Variants in KANK1 observed in about 807,000 individuals in gnomAD.
KANK1 encodes KN motif and ankyrin repeat domains 1, also known as KN motif and ankyrin repeat domain-containing protein 1.
Under a neutral mutation model 106.2 loss-of-function variants are expected in KANK1, and 109 were observed. The observed-to-expected ratio is 1.03, with a 90% confidence interval of 0.88 to 1.20. The LOEUF is 1.20. Among genes scored for constraint, KANK1 ranks in the 50% most tolerant of loss-of-function variants. The pLI, the probability that KANK1 is intolerant of heterozygous loss-of-function variation, is 0.00. For missense variants in KANK1, 2,399 were observed against 1,710.7 expected (o/e 1.40, Z -7.10); for synonymous variants, 873 against 652.2 (o/e 1.34, Z -5.16).
In KANK1 at chr9:550,534, C is replaced by G. The variant is rs182903362; in HGVS notation, c.-84+45780C>G. 1.5e-4 allele frequency among the ~76,000 whole-genome samples: 23 copies of G among 152,276 alleles called. No individual in the cohort carries two copies. The East Asian group carries it at 4.1e-3, about 27-fold the overall frequency. On this transcript the variant is annotated intron_variant, in intron 1 of 11. Transcript: ENST00000382297. ...CTGAGGTGGGAGGATTGGTTGAGGT[C>G]AGGAGTTTGAGGCCGCAATGAGTTA...
rs1326671630 is a variant in KANK1 at position 712,628 on chromosome 9, A to C, written c.1862A>C (p.Asn621Thr). The C allele has an allele frequency of 6.2e-7, 1 of 1,614,202 alleles. No individual in the cohort carries two copies. Residue 621 changes from asparagine (N) to threonine (T), a missense_variant, in exon 3 of 12, where the codon AAT (asparagine) becomes ACT (threonine). Asn to Thr is a moderately conservative substitution (Grantham distance 65, BLOSUM62 0). Transcript: ENST00000382297. ...CTCACACTCCTCAAGACAAACTTGA[A>C]TCTCAAAGAAGTGCGGTCTATCGGT... ...NDLTLLKTNL[N>T]LKEVRSIGCG...
chr9:620,050 T>C (rs540822072), intron 1 of KANK1, among the ~76,000 whole-genome samples: 1 of 151,918 alleles, frequency 6.6e-6, no homozygotes, highest in South Asian at 2.1e-4. Context: ...GGCAGGAGAA[T>C]CGCTTGAACC....
At chr9:545,785 G>A (rs553541601) in intron 1 of KANK1, among the ~76,000 whole-genome samples, 78 of 133,088 alleles carry the variant, frequency 5.9e-4, no homozygotes, top group Admixed American at 5.1e-4. Context: ...CTGCTCTGTC[G>A]CCCAGGATGG....
At chr9:686,892 G>C (rs1818708087) in intron 2 of KANK1, 8 of 985,310 alleles carry the variant, frequency 8.1e-6, no homozygotes, top group Non-Finnish European at 9.6e-6. Flanking sequence ...TGTAAATGAA[G>C]AATCCTGAGA....
chr9:734,705 TTTC>T (rs754152188), intron 6 of KANK1, 40 bp from the exon 7 acceptor site: 3 of 1,392,794 alleles, frequency 2.2e-6, no homozygotes, highest in Admixed American at 3.5e-5. Flanking sequence ...TAAAAATGAT[TTTC>T]TTCTTGTGAC....
At chr9:677,105 C>A in intron 2 of KANK1, 96 bp downstream of exon 2, 1 of 1,127,676 alleles carries the variant, frequency 8.9e-7, no homozygotes, top group African/African-American at 1.6e-5. Context: ...TAGCAAGTTG[C>A]CTAGATAACT....
At chr9:628,614 A>G (rs76587873) in intron 1 of KANK1, among the ~76,000 whole-genome samples, 2,202 of 152,234 alleles carry the variant, frequency 0.014, 31 homozygotes, top group Middle Eastern at 0.085. Flanking sequence ...TCAGAATGCA[A>G]ATGAGAGTAA....
chr9:570,962 A>ATAT (rs376322549), intron 1 of KANK1, among the ~76,000 whole-genome samples: 1 of 152,166 alleles, frequency 6.6e-6, no homozygotes, highest in Non-Finnish European at 1.5e-5. Context: ...TTCTTACTGT[A>ATAT]TATTATTAGA....
intron 2 of KANK1, among the ~76,000 whole-genome samples, chr9:699,065 C>G (rs10975882): frequency 0.35 from 53,384 of 152,034 alleles, 10,695 homozygotes; most frequent in South Asian, 0.47. Context: ...GCTCTTTCCT[C>G]TGCCTAGAAT....
Position 713,044 on chromosome 9 carries a change from G to C in KANK1, c.2278G>C (p.Gly760Arg). The C allele has an allele frequency of 6.2e-7, 1 of 1,614,210 alleles. No individual in the cohort carries two copies. The highest frequency in any genetic ancestry group is 1.6e-4 in the Middle Eastern group (1 of 6,062). The stretch of plus-strand genomic sequence containing the variant: ...ATCAGCTGTGAAGACCAAAGAGTCA[G>C]GTGTGGGGCAGATAAATATTAACGA... Reference protein sequence around the residue: ...RPSAVKTKESGVGQININDNY... With the variant: ...RPSAVKTKESRVGQININDNY... Residue 760 changes from glycine (G) to arginine (R), a missense_variant, in exon 3 of 12, where the codon GGT (glycine) becomes CGT (arginine). Gly to Arg is a moderately radical substitution (Grantham distance 125). Transcript: ENST00000382297.
intron 5 of KANK1, 31 bp from the exon 6 acceptor site, chr9:732,347 T>A: frequency 1.3e-6 from 2 of 1,596,912 alleles, no homozygotes; most frequent in South Asian, 2.2e-5. Flanking sequence ...GAGCACACCT[T>A]GCATCTCCTG....
chr9:556,991 T>G (rs2134245665), intron 1 of KANK1, among the ~76,000 whole-genome samples: 1 of 152,220 alleles, frequency 6.6e-6, no homozygotes, highest in South Asian at 2.1e-4. Context: ...GTTAATTTTG[T>G]TAGGTTTGTT....
intron 1 of KANK1, among the ~76,000 whole-genome samples, chr9:611,610 C>T (rs1230112353): frequency 2.0e-5 from 3 of 152,182 alleles, no homozygotes; most frequent in Non-Finnish European, 2.9e-5. Flanking sequence ...AATTCAGAAC[C>T]TTTGACACTA....
At chr9:592,492 C>T (rs990917380) in intron 1 of KANK1, among the ~76,000 whole-genome samples, 1 of 151,738 alleles carries the variant, frequency 6.6e-6, no homozygotes, top group Non-Finnish European at 1.5e-5. Context: ...ATCCCCTAGT[C>T]CGCTCTTTCA....
intron 3 of KANK1, among the ~76,000 whole-genome samples, chr9:717,348 G>T (rs182166352): frequency 9.4e-4 from 143 of 152,210 alleles, no homozygotes; most frequent in Non-Finnish European, 1.7e-3. Context: ...AAGAGTTAAA[G>T]CCTCCCTGGC....
intron 1 of KANK1, among the ~76,000 whole-genome samples, chr9:514,508 T>C (rs1004758469): frequency 4.6e-5 from 7 of 150,886 alleles, no homozygotes; most frequent in Admixed American, 1.3e-4. Context: ...TTACTTCTAA[T>C]ATCATAGATC....
At chr9:625,301 T>C (rs1263533494) in intron 1 of KANK1, among the ~76,000 whole-genome samples, 3 of 152,182 alleles carry the variant, frequency 2.0e-5, no homozygotes, top group African/African-American at 7.2e-5. Context: ...CGTTAAGTAT[T>C]TATCTGTAAG....
Position 711,984 on chromosome 9 carries a change from G to C in KANK1, c.1218G>C (p.Glu406Asp). The change falls in exon 3 of 12, where the codon GAG (glutamate) becomes GAC (aspartate). Residue 406 changes from glutamate (E) to aspartate (D), a missense_variant. Transcript: ENST00000382297. ...GCCGGTCTGTGGCTGTGGGTGCCGA[G>C]GAGAACATGAACGACATCGTCGTGT... ...GECRSVAVGA[E>D]ENMNDIVVYH... 1 of 1,614,194 alleles carries C rather than the reference G, an allele frequency of 6.2e-7. No homozygotes were observed. Among genetic ancestry groups the C allele is most frequent in the South Asian group, 1.1e-5 (1 of 91,082 alleles).
intron 1 of KANK1, among the ~76,000 whole-genome samples, chr9:621,995 G>C (rs1833248816): frequency 1.3e-5 from 2 of 152,080 alleles, no homozygotes; most frequent in South Asian, 4.1e-4. Flanking sequence ...TACTAAGTTT[G>C]GTTTTCATTA....
Sources: allele counts gnomAD v4.1 joint callset (sites outside exome capture counted in the v4.1 genomes callset), GRCh38; gene constraint gnomAD v4.1.1; transcripts MANE v1.5; gene names NCBI Gene and HGNC (gene_info 2026-07-23, HGNC 2026-07-21).